The following FGF13 variants were observed in gnomAD, a reference collection of about 807,000 sequenced individuals.
FGF13 encodes the protein fibroblast growth factor homologous factor 2.
Under a neutral mutation model 19.5 loss-of-function variants are expected in FGF13, and 2 were observed. The observed-to-expected ratio is 0.10, with a 90% CI of 0.04 to 0.32. The LOEUF (loss-of-function observed/expected upper bound fraction) is 0.32. FGF13 is among the 10% of genes least tolerant of loss of function. FGF13 has a pLI of 1.00. For missense variants in FGF13, 113 were observed against 192.7 expected (o/e 0.59, Z 2.45); for synonymous variants, 72 against 76.9 (o/e 0.94, Z 0.33).
chrX:139,041,611 C>T (rs149616020), intron 1 of FGF13, among the ~76,000 whole-genome samples: 4,186 of 111,575 alleles, frequency 0.038, 233 homozygotes, highest in African/African-American at 0.13. Flanking sequence ...AAGCATTGCA[C>T]TTAGTCACAT....
intron 1 of FGF13, among the ~76,000 whole-genome samples, chrX:138,956,675 C>G (rs1471365170): frequency 1.8e-5 from 2 of 111,362 alleles, no homozygotes; most frequent in Admixed American, 1.9e-4. Context: ...TCCTCAGGAA[C>G]CACTCTGAGC....
At chrX:139,143,498 T>C (rs1311808263) in intron 1 of FGF13, among the ~76,000 whole-genome samples, 1 of 112,467 alleles carries the variant, frequency 8.9e-6, no homozygotes, top group Non-Finnish European at 1.9e-5. Context: ...ATGGACATTA[T>C]TTGGATTACT....
chrX:138,708,576 T>G (rs1347203617), intron 2 of FGF13, among the ~76,000 whole-genome samples: 1 of 112,162 alleles, frequency 8.9e-6, no homozygotes, highest in Non-Finnish European at 1.9e-5. Flanking sequence ...CTATCTAGAT[T>G]TCCATGGAGA....
At chrX:138,876,850 T>G (rs143922352) in intron 1 of FGF13, among the ~76,000 whole-genome samples, 4,145 of 112,146 alleles carry the variant, frequency 0.037, 173 homozygotes, top group African/African-American at 0.13. Flanking sequence ...CTATAAAGAT[T>G]ACCATGATAA....
At chrX:139,182,630 G>A (rs148682276) in intron 1 of FGF13, among the ~76,000 whole-genome samples, 6,761 of 111,019 alleles carry the variant, frequency 0.061, 523 homozygotes, top group African/African-American at 0.21. Context: ...TATTCCCTCG[G>A]GATGGGGTGG....
chrX:138,986,754 C>T (rs1376966417), intron 1 of FGF13, among the ~76,000 whole-genome samples: 1 of 111,407 alleles, frequency 9.0e-6, no homozygotes, highest in Non-Finnish European at 1.9e-5. Context: ...GAATAAATTT[C>T]TATAAAGCAA....
upstream of FGF13, among the ~76,000 whole-genome samples, chrX:138,740,920 A>G (rs1014433461): frequency 8.9e-6 from 1 of 112,616 alleles, no homozygotes; most frequent in East Asian, 2.8e-4. Context: ...TAACTAGTCA[A>G]TCATGCTTAG....
chrX:139,085,654 T>C (rs181753102), intron 1 of FGF13, among the ~76,000 whole-genome samples: 42 of 111,927 alleles, frequency 3.8e-4, no homozygotes, highest in Non-Finnish European at 7.3e-4. Context: ...GAAATAATCA[T>C]AGATATAGGC....
At position 139,046,344 on chromosome X, in the gene FGF13, C is replaced by T. The variant is rs140484791; in HGVS notation, c.-113+157072G>A. 1.3e-4 allele frequency among the ~76,000 whole-genome samples: 14 copies of T among 111,593 alleles called. No individual in the cohort carries two copies. The South Asian group carries it at 2.3e-3, about 18-fold the overall frequency. On this transcript the variant is annotated intron_variant, in intron 1 of 2. Transcript: ENST00000421460. The stretch of plus-strand genomic sequence containing the variant: ...CCCATAATCCAAACACCTTCCACGA[C>T]GCCCCACCTCCATCATTGGGGATTA...
At chrX:139,166,546 T>G (rs1047004033) in intron 1 of FGF13, among the ~76,000 whole-genome samples, 4 of 111,582 alleles carry the variant, frequency 3.6e-5, no homozygotes, top group African/African-American at 1.3e-4. Flanking sequence ...GTCTTTTGTA[T>G]GTAAAAAGGA....
intron 1 of FGF13, among the ~76,000 whole-genome samples, chrX:138,895,632 T>C (rs1422779067): frequency 8.9e-6 from 1 of 111,840 alleles, no homozygotes. Context: ...TACTACCATA[T>C]GATCCAGCAA....
intron 4 of FGF13, 77 bp from the exon 5 acceptor site, chrX:138,633,063 T>C: frequency 9.4e-7 from 1 of 1,066,936 alleles, no homozygotes; most frequent in Non-Finnish European, 1.3e-6. Flanking sequence ...GAATAGTTTG[T>C]AGGTGTTCTA....
At position 139,002,018 on chromosome X, in the gene FGF13, G is replaced by A. The variant is rs188830875; in HGVS notation, c.-112-137368C>T. 4.0e-3 allele frequency among the ~76,000 whole-genome samples: 449 copies of A among 111,529 alleles called. 1 individual carries two copies. The highest frequency in any genetic ancestry group is 0.014 in the African/African-American group (418 of 30,661). On this transcript the variant is annotated intron_variant, in intron 1 of 2. Transcript: ENST00000421460. ...GGAATACTATGCAGCCATAAAAAAA[G>A]GATGAGTTCATGTCCTTTGCAGGGA... is the stretch of plus-strand genomic sequence containing the variant.
chrX:139,007,839 C>T (rs977345216), intron 1 of FGF13, among the ~76,000 whole-genome samples: 2 of 112,189 alleles, frequency 1.8e-5, no homozygotes, highest in Non-Finnish European at 3.8e-5. Context: ...CTGCAGGCTC[C>T]GTGAAACACC....
chrX:138,858,826 A>G (rs2091272895), intron 2 of FGF13, among the ~76,000 whole-genome samples: 1 of 112,157 alleles, frequency 8.9e-6, no homozygotes. Context: ...TGTGTTGGGT[A>G]AAACATTCCT....
chrX:138,737,312 G>A (rs187575673), intron 1 of FGF13, among the ~76,000 whole-genome samples: 8 of 111,783 alleles, frequency 7.2e-5, no homozygotes, highest in African/African-American at 1.9e-4. Flanking sequence ...CCTTTCTTGC[G>A]ACTCGCCATT....
At chrX:138,954,762 T>C (rs141991619) in intron 1 of FGF13, among the ~76,000 whole-genome samples, 23 of 112,000 alleles carry the variant, frequency 2.1e-4, no homozygotes, top group African/African-American at 6.8e-4. Context: ...CTGTATTACA[T>C]GCCTTGTGGA....
At chrX:138,963,792 A>T (rs1275447771) in intron 1 of FGF13, among the ~76,000 whole-genome samples, 1 of 111,710 alleles carries the variant, frequency 9.0e-6, no homozygotes, top group Non-Finnish European at 1.9e-5. Context: ...TAAGCATCCT[A>T]TTTGAATGTT....
intron 1 of FGF13, among the ~76,000 whole-genome samples, chrX:139,026,252 T>C (rs2092200413): frequency 9.0e-6 from 1 of 111,326 alleles, no homozygotes; most frequent in African/African-American, 3.3e-5. Context: ...TTTTTAACGT[T>C]AACATATTTC....
Sources: gnomAD v4.1 joint callset for allele counts (sites outside exome capture counted in the v4.1 genomes callset) on GRCh38, gnomAD v4.1.1 for gene constraint, MANE v1.5 for transcripts, NCBI Gene and HGNC (gene_info 2026-07-23, HGNC 2026-07-21) for gene names.